KCNK13: variants seen among roughly 807,000 people sequenced by gnomAD.
KCNK13 encodes the protein potassium two pore domain channel subfamily K member 13, also known as potassium channel subfamily K member 13.
KCNK13 carries 12 observed loss-of-function variants against 23.4 expected under a neutral mutation model. The ratio of observed to expected loss-of-function variants is 0.51; its 90% CI spans 0.33 to 0.83. KCNK13 has a LOEUF of 0.83. Among genes scored for constraint, KCNK13 ranks in the 40% least tolerant of loss-of-function variants. The pLI, the probability that KCNK13 is intolerant of heterozygous loss-of-function variation, is 0.02. For missense variants in KCNK13, 463 were observed against 556.3 expected, an observed-to-expected ratio of 0.83 and a Z score of 1.69; for synonymous variants, 231 against 229.5, an observed-to-expected ratio of 1.01 and a Z score of -0.06.
At chr14:90,066,378 T>G (rs1889009901) in intron 1 of KCNK13, among the ~76,000 whole-genome samples, 1 of 152,134 alleles carries the variant, frequency 6.6e-6, no homozygotes, top group Non-Finnish European at 1.5e-5. Flanking sequence ...GCAATTCTCC[T>G]GCCTTGGCCT....
Position 90,154,782 on chromosome 14 carries a change from C to CTAAA in KCNK13, c.335-29329_335-29328insTAAA, listed in dbSNP as rs1460036859. Among the ~76,000 whole-genome samples the CTAAA allele has an allele frequency of 6.8e-3, 1,031 of 152,194 alleles. 10 individuals are homozygous for CTAAA. Among genetic ancestry groups the CTAAA allele is most frequent in the African/African-American group, 0.023 (951 of 41,494 alleles). The stretch of plus-strand genomic sequence containing the variant: ...AATTTTCCCTTGGACACTTGCTTAC[C>CTAAA]CTATTAATTTTATTAATTTAATTAG... On this transcript the variant is annotated intron_variant, in intron 1 of 1. Transcript: ENST00000282146.
intron 1 of KCNK13, among the ~76,000 whole-genome samples, chr14:90,070,714 G>A (rs1352894442): frequency 1.3e-5 from 2 of 152,096 alleles, no homozygotes; most frequent in East Asian, 1.9e-4. Context: ...ACTGCTCTCC[G>A]TTTCCAGTTA....
chr14:90,093,872 T>G (rs1889377751), intron 1 of KCNK13, among the ~76,000 whole-genome samples: 3 of 152,246 alleles, frequency 2.0e-5, no homozygotes, highest in African/African-American at 7.2e-5. Flanking sequence ...TTGAATGTGC[T>G]TATTCTGTAA....
chr14:90,147,278 G>T (rs762479669), intron 1 of KCNK13, among the ~76,000 whole-genome samples: 7 of 151,716 alleles, frequency 4.6e-5, no homozygotes, highest in Non-Finnish European at 8.8e-5. Flanking sequence ...CTAGAGACAG[G>T]GTCTCACTCT....
chr14:90,112,680 G>A (rs141288048), intron 1 of KCNK13, among the ~76,000 whole-genome samples: 1 of 152,034 alleles, frequency 6.6e-6, no homozygotes, highest in East Asian at 1.9e-4. Context: ...AGCAACAGAA[G>A]GAAAAATGCA....
chr14:90,135,782 G>A (rs1889929203), intron 1 of KCNK13, among the ~76,000 whole-genome samples: 1 of 152,180 alleles, frequency 6.6e-6, no homozygotes, highest in Non-Finnish European at 1.5e-5. Flanking sequence ...TTCTGGTTGA[G>A]TGTAGGGATC....
chr14:90,164,811 G>T (rs1042201577), intron 1 of KCNK13, among the ~76,000 whole-genome samples: 1 of 152,204 alleles, frequency 6.6e-6, no homozygotes, highest in Admixed American at 6.5e-5. Context: ...CTAATCCTTT[G>T]TAGGTCTTTG....
At chr14:90,077,182 C>T (rs1286913) in intron 1 of KCNK13, among the ~76,000 whole-genome samples, 87,800 of 144,000 alleles carry the variant, frequency 0.61, 27,378 homozygotes, top group African/African-American at 0.73. Context: ...TTCAATGGTG[C>T]GATCTCAGCT....
intron 1 of KCNK13, among the ~76,000 whole-genome samples, chr14:90,154,643 C>T (rs943012228): frequency 6.6e-6 from 1 of 152,208 alleles, no homozygotes; most frequent in Non-Finnish European, 1.5e-5. Flanking sequence ...ATACTCAGAA[C>T]TATCAGAGGT....
chr14:90,097,849 T>C (rs1356004997), intron 1 of KCNK13, among the ~76,000 whole-genome samples: 1 of 152,160 alleles, frequency 6.6e-6, no homozygotes, highest in Admixed American at 6.5e-5. Context: ...GGAACCCCCA[T>C]GTATCTCTCA....
intron 1 of KCNK13, among the ~76,000 whole-genome samples, chr14:90,099,061 T>C (rs1889445066): frequency 6.6e-6 from 1 of 151,768 alleles, no homozygotes; most frequent in African/African-American, 2.4e-5. Flanking sequence ...GGTGGCAGAG[T>C]GAGACTCTGT....
At chr14:90,092,162 T>C (rs563765420) in intron 1 of KCNK13, among the ~76,000 whole-genome samples, 141 of 152,304 alleles carry the variant, frequency 9.3e-4, no homozygotes, top group African/African-American at 3.2e-3. Flanking sequence ...GACCTCGTGA[T>C]CTGCCCGCCT....
chr14:90,113,263 C>T (rs1889637341), intron 1 of KCNK13, among the ~76,000 whole-genome samples: 1 of 151,950 alleles, frequency 6.6e-6, no homozygotes, highest in South Asian at 2.1e-4. Context: ...ACTGGTTTAC[C>T]TGCATGGAAA....
intron 1 of KCNK13, among the ~76,000 whole-genome samples, chr14:90,150,141 C>T (rs191332456): frequency 1.3e-4 from 20 of 152,202 alleles, no homozygotes; most frequent in Admixed American, 7.2e-4. Context: ...ACTTGAAGTA[C>T]GCTGTAGAAA....
Position 90,062,205 on chromosome 14 carries a change from C to A in KCNK13, c.-1C>A. ...TGGGGGCTGCCCCCGGGGGCCCGGC[C>A]ATGGCTGGCCGGGGTTTCAGCTGGG... On this transcript the variant is annotated 5_prime_UTR_variant, in exon 1 of 2. Coordinates refer to ENST00000282146, the MANE Select transcript of KCNK13 (RefSeq NM_022054.4). This position sits in a 1 kb window ranked among gnomAD's most constrained non-coding sequence, Gnocchi z 4.5. 7.0e-7 allele frequency: 1 copy of A among 1,423,008 alleles called. No individual in the cohort carries two copies. Among genetic ancestry groups the A allele is most frequent in the Admixed American group, 2.8e-5 (1 of 36,088 alleles). 88.1% of individuals were successfully genotyped at this position (1,423,008 alleles called of 1,614,324 possible).
At chr14:90,143,426 G>A (rs1453828698) in intron 1 of KCNK13, among the ~76,000 whole-genome samples, 1 of 151,978 alleles carries the variant, frequency 6.6e-6, no homozygotes, top group Non-Finnish European at 1.5e-5. Flanking sequence ...ACATTTGGGA[G>A]TGGCATATTC....
chr14:90,165,499 A>G (rs1005632550), intron 1 of KCNK13, among the ~76,000 whole-genome samples: 2 of 152,230 alleles, frequency 1.3e-5, no homozygotes, highest in African/African-American at 2.4e-5. Context: ...AAAATGTCTC[A>G]GAGCCAGATT....
chr14:90,118,320 G>A (rs1889700456), intron 1 of KCNK13, among the ~76,000 whole-genome samples: 3 of 152,250 alleles, frequency 2.0e-5, no homozygotes, highest in Non-Finnish European at 2.9e-5. Context: ...TCCAACCCAC[G>A]TTTGTTTTCT....
Position 90,087,129 on chromosome 14 carries a change from C to CATAT in KCNK13, c.334+24613_334+24616dup, listed in dbSNP as rs141670518. The stretch of plus-strand genomic sequence containing the variant: ...TTATATATATATACATATATATATA[C>CATAT]ATATATATATATATATATATATATA... On this transcript the variant is annotated intron_variant, in intron 1 of 1. Coordinates refer to ENST00000282146, the MANE Select transcript of KCNK13 (RefSeq NM_022054.4). Among the ~76,000 whole-genome samples, 506 of 124,622 alleles carry CATAT rather than the reference C, an allele frequency of 4.1e-3. 3 individuals are homozygous for CATAT. Among genetic ancestry groups the CATAT allele is most frequent in the East Asian group, 0.024 (102 of 4,326 alleles). The allele number at this position is 124,622 out of a possible 152,430, so 81.8% of individuals were successfully genotyped here.
Sources: gnomAD v4.1 joint callset for allele counts (sites outside exome capture counted in the v4.1 genomes callset) on GRCh38, gnomAD v4.1.1 for gene constraint, Gnocchi (gnomAD v3.1) non-coding constraint, MANE v1.5 for transcripts, NCBI Gene and HGNC (gene_info 2026-07-23, HGNC 2026-07-21) for gene names.